The following FGD4 variants were observed in gnomAD, a reference collection of about 807,000 sequenced individuals.
FGD4 encodes the protein FYVE, RhoGEF and PH domain-containing protein 4.
Under a neutral mutation model 102.0 loss-of-function variants are expected in FGD4, and 42 were observed. The ratio of observed to expected loss-of-function variants is 0.41; its 90% CI spans 0.32 to 0.53. FGD4 has a LOEUF of 0.53. Among genes scored for constraint, FGD4 ranks in the 20% least tolerant of loss-of-function variants. FGD4 has a pLI of 0.21. For synonymous variants in FGD4, 380 were observed against 375.7 expected (o/e 1.01, Z -0.13); for missense variants, 902 against 1,078.2 (o/e 0.84, Z 2.29).
intron 3 of FGD4, among the ~76,000 whole-genome samples, chr12:32,577,542 C>T (rs1035188816): frequency 1.6e-4 from 24 of 152,108 alleles, no homozygotes; most frequent in African/African-American, 5.8e-4. Context: ...TATCAATTTC[C>T]TGTGACAACT....
chr12:32,598,737 C>A, intron 5 of FGD4, 151 bp downstream of exon 5: 1 of 670,184 alleles, frequency 1.5e-6, no homozygotes, highest in South Asian at 1.7e-5. Flanking sequence ...GCACTTTGAG[C>A]TTTGTGAGTG....
At chr12:32,400,907 T>A (rs140537403) in intron 1 of FGD4, among the ~76,000 whole-genome samples, 1 of 152,246 alleles carries the variant, frequency 6.6e-6, no homozygotes, top group African/African-American at 2.4e-5. Flanking sequence ...GTCCTGGTTC[T>A]GAACTTGTAG....
At chr12:32,552,007 C>T (rs1943706273) in intron 1 of FGD4, among the ~76,000 whole-genome samples, 1 of 152,206 alleles carries the variant, frequency 6.6e-6, no homozygotes, top group African/African-American at 2.4e-5. Flanking sequence ...CTATGCTTAG[C>T]TGTAAAAGAA....
intron 1 of FGD4, among the ~76,000 whole-genome samples, chr12:32,504,156 C>G (rs1938478674): frequency 6.6e-6 from 1 of 152,118 alleles, no homozygotes; most frequent in Non-Finnish European, 1.5e-5. Context: ...ACCAAATTTC[C>G]AGAGTAATAA....
At chr12:32,471,863 A>G (rs1178226114) in intron 1 of FGD4, among the ~76,000 whole-genome samples, 1 of 152,206 alleles carries the variant, frequency 6.6e-6, no homozygotes, top group East Asian at 1.9e-4. Context: ...GCCATGTGTT[A>G]ATGGTCAAGG....
At chr12:32,625,171 C>G in intron 13 of FGD4, 103 bp downstream of exon 13, 1 of 949,278 alleles carries the variant, frequency 1.1e-6, no homozygotes, top group Non-Finnish European at 1.7e-6. Flanking sequence ...TTTACAATGT[C>G]AGAACTGGCT....
Position 32,565,267 on chromosome 12 carries a change from T to C in FGD4, c.319+978T>C, listed in dbSNP as rs371962460. The stretch of plus-strand genomic sequence containing the variant: ...AAAATGAATCTTCTAGATTATGGGA[T>C]ATTTGTCTTGTTCTCACTACAATTA... On this transcript the variant is annotated intron_variant, in intron 2 of 16. Coordinates refer to ENST00000534526, the MANE Select transcript of FGD4 (RefSeq NM_001370298.3). Among the ~76,000 whole-genome samples the C allele has an allele frequency of 3.6e-3, 542 of 152,304 alleles. 3 individuals carry two copies. Among genetic ancestry groups the C allele is most frequent in the Middle Eastern group, 0.014 (4 of 294 alleles).
chr12:32,400,051 C>A lies in FGD4; in HGVS notation c.166+92C>A, dbSNP rs755145095. On this transcript the variant is annotated intron_variant, in intron 1 of 16. Transcript: ENST00000534526. The stretch of plus-strand genomic sequence containing the variant: ...GCGCCCTGCAGGTGCGCCCTCTCGT[C>A]CCCCGCTGCGGAGGTAACTGGTTCG... 3 of 1,389,858 alleles carry A rather than the reference C, an allele frequency of 2.2e-6. No homozygotes were observed. In the South Asian group the frequency reaches 4.7e-5, roughly 22 times the overall value. 86.1% of individuals were successfully genotyped at this position (1,389,858 alleles called of 1,614,324 possible).
intron 8 of FGD4, among the ~76,000 whole-genome samples, chr12:32,610,287 G>A (rs1316757235): frequency 6.6e-6 from 1 of 152,162 alleles, no homozygotes; most frequent in Non-Finnish European, 1.5e-5. Context: ...TGTAAGAATT[G>A]ATATTGTAAT....
At chr12:32,595,321 A>G (rs895061737) in intron 4 of FGD4, among the ~76,000 whole-genome samples, 6 of 152,202 alleles carry the variant, frequency 3.9e-5, no homozygotes, top group Non-Finnish European at 5.9e-5. Flanking sequence ...TATGTATCAT[A>G]TATCAACCAG....
chr12:32,484,452 T>C (rs746824874), intron 1 of FGD4, among the ~76,000 whole-genome samples: 19 of 152,346 alleles, frequency 1.2e-4, no homozygotes, highest in African/African-American at 3.8e-4. Flanking sequence ...TATTATGGTT[T>C]GATTCTGACT....
At position 32,602,105 on chromosome 12, in the gene FGD4, A is replaced by G. The variant is rs146418885; in HGVS notation, c.1248-56A>G. The G allele has an allele frequency of 4.6e-6, 7 of 1,527,878 alleles. No individual in the cohort carries two copies. In the African/African-American group the frequency reaches 8.2e-5, roughly 18 times the overall value. 94.6% of individuals were successfully genotyped at this position (1,527,878 alleles called of 1,614,324 possible). Reference sequence around the variant, plus strand: ...ACTACAGTCTGGGTGACAGAACAAGACCCTGTCTCAAAAAAAAATTTTTTT... The same window carrying G: ...ACTACAGTCTGGGTGACAGAACAAGGCCCTGTCTCAAAAAAAAATTTTTTT... On this transcript the variant is annotated intron_variant, in intron 6 of 16. Transcript: ENST00000534526.
intron 11 of FGD4, among the ~76,000 whole-genome samples, chr12:32,622,403 A>T (rs933320959): frequency 6.6e-6 from 1 of 152,162 alleles, no homozygotes; most frequent in Admixed American, 6.5e-5. Flanking sequence ...TTGGTGAGGA[A>T]TTTTCTTAAG....
chr12:32,619,662 CT>C, intron 10 of FGD4, 35 bp from the exon 11 acceptor site: 2 of 1,612,194 alleles, frequency 1.2e-6, no homozygotes, highest in South Asian at 2.2e-5. Context: ...TCCCCTATTT[CT>C]TTTCTTTACT....
chr12:32,424,915 GTTGT>G (rs1468527335), intron 1 of FGD4, among the ~76,000 whole-genome samples: 1 of 152,076 alleles, frequency 6.6e-6, no homozygotes, highest in African/African-American at 2.4e-5. Flanking sequence ...TTTTGATGGG[GTTGT>G]TTGTTTTTTT....
chr12:32,419,352 G>C (rs1197040679), intron 1 of FGD4, among the ~76,000 whole-genome samples: 2 of 152,226 alleles, frequency 1.3e-5, no homozygotes, highest in Non-Finnish European at 2.9e-5. Context: ...TATACTACCT[G>C]GATAGTGCTG....
At chr12:32,449,023 T>C (rs1942698771) in intron 1 of FGD4, among the ~76,000 whole-genome samples, 1 of 152,220 alleles carries the variant, frequency 6.6e-6, no homozygotes, top group African/African-American at 2.4e-5. Flanking sequence ...TATTAACATT[T>C]ATAGACTGAG....
chr12:32,427,347 T>G (rs979197788), intron 1 of FGD4, among the ~76,000 whole-genome samples: 1 of 152,246 alleles, frequency 6.6e-6, no homozygotes, highest in Non-Finnish European at 1.5e-5. Context: ...AGGAGTAGGT[T>G]GTTCGGTTTC....
chr12:32,481,165 G>T (rs887774712), intron 1 of FGD4, among the ~76,000 whole-genome samples: 1 of 113,406 alleles, frequency 8.8e-6, no homozygotes, highest in Non-Finnish European at 1.9e-5. Context: ...AAAGCCGGGC[G>T]CAGTGGCTCA....
Sources: allele counts gnomAD v4.1 joint callset (sites outside exome capture counted in the v4.1 genomes callset), GRCh38; gene constraint gnomAD v4.1.1; transcripts MANE v1.5; gene names NCBI Gene and HGNC (gene_info 2026-07-23, HGNC 2026-07-21).